KIFC3: variants seen among roughly 807,000 people sequenced by gnomAD.
The protein encoded by KIFC3 is kinesin family member C3.
In KIFC3, 60 loss-of-function variants were observed where a neutral mutation model predicts 101.8. The observed-to-expected ratio is 0.59, with a 90% confidence interval of 0.48 to 0.73. The LOEUF (loss-of-function observed/expected upper bound fraction) is 0.73, where lower values mean the gene tolerates loss of function less well. Among genes scored for constraint, KIFC3 ranks in the 30% least tolerant of loss-of-function variants. The pLI, the probability that KIFC3 is intolerant of heterozygous loss-of-function variation, is 0.00. For missense variants in KIFC3, 966 were observed against 1,137.1 expected (o/e 0.85, Z 2.16); for synonymous variants, 476 against 482.7 (o/e 0.99, Z 0.18).
rs1237238598 is a variant in KIFC3 at position 57,758,387 on chromosome 16, C to T, written c.*547G>A. The T allele has an allele frequency of 2.0e-5, 7 of 347,356 alleles. No homozygotes were observed. The highest frequency in any genetic ancestry group is 1.1e-4 in the South Asian group (5 of 45,468). 21.5% of individuals were successfully genotyped at this position (347,356 alleles called of 1,614,324 possible). A position where few individuals can be genotyped will look rare whatever the true frequency, so the allele number is the denominator to read the frequency against. ...GCCTCTGCCAGCCATAAACACAGCACGGCCCCGTGGCGGGAGGCCATGCGC... is the reference window on the plus strand; with the variant it reads ...GCCTCTGCCAGCCATAAACACAGCATGGCCCCGTGGCGGGAGGCCATGCGC... On this transcript the variant is annotated 3_prime_UTR_variant, in exon 20 of 20. Coordinates refer to ENST00000445690, the MANE Select transcript of KIFC3 (RefSeq NM_001130100.2).
intron 2 of KIFC3, among the ~76,000 whole-genome samples, chr16:57,795,975 C>T (rs1173425133): frequency 1.4e-5 from 2 of 144,788 alleles, no homozygotes; most frequent in African/African-American, 2.5e-5. Flanking sequence ...CTCACTGCAA[C>T]CTCCACCTCC....
At chr16:57,771,059 A>C in intron 6 of KIFC3, 139 bp downstream of exon 6, 1 of 1,141,696 alleles carries the variant, frequency 8.8e-7, no homozygotes, top group Non-Finnish European at 1.2e-6. Flanking sequence ...AAGGGGCAGG[A>C]CCAAGCACAG....
intron 1 of KIFC3, among the ~76,000 whole-genome samples, chr16:57,856,326 A>G (rs556715356): frequency 6.6e-6 from 1 of 152,112 alleles, no homozygotes; most frequent in African/African-American, 2.4e-5. Context: ...ACCAAAAAAT[A>G]CAAAAATTAG....
chr16:57,835,578 G>A (rs1555480192), intron 1 of KIFC3, among the ~76,000 whole-genome samples: 1 of 152,192 alleles, frequency 6.6e-6, no homozygotes, highest in East Asian at 1.9e-4. Context: ...TGTCAGCCCT[G>A]TTTCATAGAC....
rs531040520 is a variant in KIFC3, at chr16:57,798,513, T to G, written c.-39-231A>C. On this transcript the variant is annotated intron_variant, in intron 1 of 19. Transcript: ENST00000445690. The stretch of plus-strand genomic sequence containing the variant: ...ATACGGAGGCTCCGAAGTGCGAAAG[T>G]TGCATATCAGCTGTGCCTGAGACCC... 239 of 581,058 alleles carry G rather than the reference T, an allele frequency of 4.1e-4. 1 individual carries two copies. The African/African-American group carries it at 4.4e-3, about 11-fold the overall frequency. 36.0% of individuals were successfully genotyped at this position (581,058 alleles called of 1,614,324 possible).
chr16:57,845,797 G>T (rs1596863355), intron 1 of KIFC3, among the ~76,000 whole-genome samples: 1 of 152,300 alleles, frequency 6.6e-6, no homozygotes, highest in African/African-American at 2.4e-5. Context: ...CAGACAAAAT[G>T]TTGATGTATT....
At chr16:57,781,392 T>A (rs1184215606) in intron 3 of KIFC3, among the ~76,000 whole-genome samples, 1 of 152,180 alleles carries the variant, frequency 6.6e-6, no homozygotes, top group Non-Finnish European at 1.5e-5. Context: ...AGGCCATGGC[T>A]CTAGGGACAT....
intron 1 of KIFC3, among the ~76,000 whole-genome samples, chr16:57,812,425 C>T (rs922478080): frequency 2.0e-5 from 3 of 151,944 alleles, no homozygotes; most frequent in Non-Finnish European, 4.4e-5. Context: ...CCCTCAGCAC[C>T]CAGCCCCTCT....
chr16:57,761,072 C>G lies in KIFC3; in HGVS notation c.1972G>C (p.Val658Leu). 1 of 1,612,892 alleles carries G rather than the reference C, an allele frequency of 6.2e-7. No individual in the cohort carries two copies. The highest frequency in any genetic ancestry group is 2.2e-5 in the East Asian group (1 of 44,852). Residue 658 changes from valine (V) to leucine (L), a missense_variant, in exon 15 of 20, where the codon GTG (valine) becomes CTG (leucine). Transcript: ENST00000445690. ...GTGCGGAGGCCTGTGCTGCAGTCCA[C>G]GCCTCGCACCGTCACGATGAGCAGC... ...HALLIVTVRG[V>L]DCSTGLRTTG...
At chr16:57,777,581 C>T (rs532862031) in intron 3 of KIFC3, among the ~76,000 whole-genome samples, 8 of 152,236 alleles carry the variant, frequency 5.3e-5, no homozygotes, top group Admixed American at 5.2e-4. Context: ...ATTAGCCGGG[C>T]CTCATGGCAG....
intron 1 of KIFC3, 72 bp from the exon 2 acceptor site, chr16:57,798,354 C>A: frequency 7.2e-7 from 1 of 1,380,282 alleles, no homozygotes. Flanking sequence ...GCAGAGCCAG[C>A]CATCTGGAAG....
At chr16:57,787,620 G>C (rs12324947) in intron 3 of KIFC3, among the ~76,000 whole-genome samples, 18,232 of 152,256 alleles carry the variant, frequency 0.12, 1,318 homozygotes, top group African/African-American at 0.19. Flanking sequence ...CGATGCAGGC[G>C]TGGCCTGGAC....
At chr16:57,765,289 T>C (rs2050358520) in intron 11 of KIFC3, among the ~76,000 whole-genome samples, 170 bp downstream of exon 11, 1 of 152,108 alleles carries the variant, frequency 6.6e-6, no homozygotes, top group Non-Finnish European at 1.5e-5. Context: ...CAGTCTTAAC[T>C]TCCCACCCTC....
intron 3 of KIFC3, chr16:57,781,830 G>T: frequency 1.6e-6 from 1 of 639,998 alleles, no homozygotes; most frequent in Non-Finnish European, 1.9e-6. Context: ...CCTTGGTTAG[G>T]CAACTTACTT....
intron 1 of KIFC3, among the ~76,000 whole-genome samples, chr16:57,808,586 A>G (rs1568072951): frequency 6.6e-6 from 1 of 151,610 alleles, no homozygotes. Flanking sequence ...AATAGAAACC[A>G]AGAGAGAGAG....
Position 57,774,945 on chromosome 16 carries a change from G to T in KIFC3, c.316-2657C>A, listed in dbSNP as rs1555610986. On this transcript the variant is annotated intron_variant, in intron 3 of 19. Coordinates refer to ENST00000445690, the MANE Select transcript of KIFC3 (RefSeq NM_001130100.2). The stretch of plus-strand genomic sequence containing the variant: ...TCCACGCCCCCTCCCTCCCCAGAAA[G>T]GCTGCTGCCTCAGCATGGGGCTGGG... 8 of 1,496,554 alleles carry T rather than the reference G, an allele frequency of 5.3e-6. No homozygotes were observed. In the Admixed American group the frequency reaches 1.9e-4, roughly 35 times the overall value. The allele number at this position is 1,496,554 out of a possible 1,614,324, so 92.7% of individuals were successfully genotyped here.
chr16:57,770,003 A>G (rs1376350108), intron 7 of KIFC3, 48 bp from the exon 8 acceptor site: 51 of 1,581,340 alleles, frequency 3.2e-5, no homozygotes, highest in African/African-American at 5.4e-5. Flanking sequence ...CGGGAGAGAG[A>G]GGGGCAGGTG....
chr16:57,779,369 T>A (rs2052466339), intron 3 of KIFC3: 1 of 152,158 alleles, frequency 6.6e-6, no homozygotes, highest in Non-Finnish European at 1.5e-5. Context: ...ACATGAGCAG[T>A]CAAACCCACG....
In KIFC3 at chr16:57,859,634, G is replaced by A. The variant is rs117730653; in HGVS notation, c.108+3095C>T. 4.7e-3 allele frequency among the ~76,000 whole-genome samples: 711 copies of A among 152,130 alleles called. 20 individuals are homozygous for A. The highest frequency in any genetic ancestry group is 0.036 in the South Asian group (176 of 4,824). On this transcript the variant is annotated intron_variant, in intron 1 of 2. Coordinates refer to the KIFC3 transcript ENST00000563028. ...CACAAGCAACACTCCTCCCACACCC[G>A]CCGAAGTCATACACCAGTTACAGTG...
Sources: gnomAD v4.1 joint callset for allele counts (sites outside exome capture counted in the v4.1 genomes callset) on GRCh38, gnomAD v4.1.1 for gene constraint, MANE v1.5 for transcripts, NCBI Gene and HGNC (gene_info 2026-07-23, HGNC 2026-07-21) for gene names.